SPEG: variants seen among roughly 807,000 people sequenced by gnomAD.
The protein encoded by SPEG is striated muscle enriched protein kinase.
Under a neutral mutation model 300.4 loss-of-function variants are expected in SPEG, and 114 were observed. The ratio of observed to expected loss-of-function variants is 0.38; its 90% CI spans 0.33 to 0.44. SPEG has a LOEUF of 0.44. SPEG is among the 20% of genes least tolerant of loss of function. SPEG has a pLI of 1.00. For synonymous variants in SPEG, 1,964 were observed against 2,018.9 expected (o/e 0.97, Z 0.73); for missense variants, 4,201 against 4,586.2 (o/e 0.92, Z 2.43).
chr2:219,481,916 G>A lies in SPEG; in HGVS notation c.5565+236G>A, dbSNP rs185020447. Among the ~76,000 whole-genome samples the A allele has an allele frequency of 1.7e-3, 262 of 152,228 alleles. 7 individuals carry two copies. Among genetic ancestry groups the A allele is most frequent in the Admixed American group, 0.017 (262 of 15,294 alleles). On this transcript the variant is annotated intron_variant, in intron 28 of 40. Coordinates refer to ENST00000312358, the MANE Select transcript of SPEG (RefSeq NM_005876.5). This position sits in a 1 kb window ranked among gnomAD's most constrained non-coding sequence, Gnocchi z 5.4. ...TGGGGGTATACATACTGGACTCCAGGGCATACGTCTGGACCTCTCCATCCT... is the reference window on the plus strand; with the variant it reads ...TGGGGGTATACATACTGGACTCCAGAGCATACGTCTGGACCTCTCCATCCT...
In SPEG at chr2:219,444,124, C is replaced by T. The variant is rs190907553; in HGVS notation, c.389-529C>T. On this transcript the variant is annotated intron_variant, in intron 1 of 40. Transcript: ENST00000312358. The surrounding 1 kb of genome is among the most constrained non-coding windows in gnomAD (Gnocchi z 7.8). ...CCTTTCCCACCCGGCCCCGGCCTCT[C>T]CTCACCCTGCCTCAGCTGCACCCGA... 6,496 of 1,160,256 alleles carry T rather than the reference C, an allele frequency of 5.6e-3. 34 individuals carry two copies. The highest frequency in any genetic ancestry group is 8.7e-3 in the Middle Eastern group (38 of 4,386). 71.9% of individuals were successfully genotyped at this position (1,160,256 alleles called of 1,614,324 possible).
At position 219,473,649 on chromosome 2, in the gene SPEG, G is replaced by C. The variant is rs1692085248; in HGVS notation, c.4271+22G>C. 1 of 1,614,114 alleles carries C rather than the reference G, an allele frequency of 6.2e-7. No individual in the cohort carries two copies. The highest frequency in any genetic ancestry group is 1.3e-5 in the African/African-American group (1 of 75,064). On this transcript the variant is annotated intron_variant, in intron 17 of 40. Transcript: ENST00000312358. This position sits in a 1 kb window ranked among gnomAD's most constrained non-coding sequence, Gnocchi z 4.6. Reference sequence around the variant, plus strand: ...GGAGGTGGGCCCCTTTCCCACATGTGGCAGCCCAGGTCTGGCCCAGCCTGG... The same window carrying C: ...GGAGGTGGGCCCCTTTCCCACATGTCGCAGCCCAGGTCTGGCCCAGCCTGG...
In SPEG at chr2:219,485,798, G is replaced by A. The variant is rs555025063; in HGVS notation, c.7741+321G>A. 2.0e-5 allele frequency among the ~76,000 whole-genome samples: 3 copies of A among 152,336 alleles called. No homozygotes were observed. In the South Asian group the frequency reaches 6.2e-4, roughly 32 times the overall value. On this transcript the variant is annotated intron_variant, in intron 31 of 40. Coordinates refer to ENST00000312358, the MANE Select transcript of SPEG (RefSeq NM_005876.5). ...CCAAGTCACAGGGCTAGTAAGTGGA[G>A]CAGCTGAAGTTGGACTGTGTGACCT... is the stretch of plus-strand genomic sequence containing the variant.
intron 15 of SPEG, 139 bp downstream of exon 15, chr2:219,472,470 G>A: frequency 1.4e-6 from 1 of 733,118 alleles, no homozygotes; most frequent in Non-Finnish European, 2.3e-6. Flanking sequence ...GACCAGCTTT[G>A]CCCGTCTTCT....
chr2:219,452,899 C>T (rs1011610042), intron 6 of SPEG, among the ~76,000 whole-genome samples: 1 of 152,208 alleles, frequency 6.6e-6, no homozygotes, highest in Non-Finnish European at 1.5e-5. Context: ...TGATCATAGT[C>T]TCGTGCTCCA....
Position 219,483,758 on chromosome 2 carries a change from G to C in SPEG, c.6295G>C (p.Ala2099Pro), listed in dbSNP as rs1301211021. 2 of 1,545,412 alleles carry C rather than the reference G, an allele frequency of 1.3e-6. No homozygotes were observed. Among genetic ancestry groups the C allele is most frequent in the Non-Finnish European group, 1.7e-6 (2 of 1,152,666 alleles). ...CCTGCTGGAGAGCCTGGGGGGCCGT[G>C]CTCGGGACCCCCGGATGGCACGAGC... ...GPLLESLGGRARDPRMARAAS... is the reference protein window; with the variant it reads ...GPLLESLGGRPRDPRMARAAS... Residue 2099 changes from alanine to proline, a missense_variant, in exon 30 of 41, where the codon GCT becomes CCT. Ala to Pro is a conservative substitution (Grantham distance 27). Coordinates refer to ENST00000312358, the MANE Select transcript of SPEG (RefSeq NM_005876.5).
intron 6 of SPEG, among the ~76,000 whole-genome samples, chr2:219,456,543 G>T (rs944791032): frequency 2.6e-5 from 4 of 152,240 alleles, no homozygotes; most frequent in Non-Finnish European, 2.9e-5. Flanking sequence ...CCTGTCAGAA[G>T]AATTGAGAGC....
In SPEG at chr2:219,492,910, G is replaced by A; in HGVS notation, c.*124G>A. On this transcript the variant is annotated 3_prime_UTR_variant, in exon 41 of 41. Transcript: ENST00000312358. ...TCGGTTACCACCAGCAGCAACATCT[G>A]GCTGGGCTCTTACCTCATAGACCTT... 1 of 1,016,880 alleles carries A rather than the reference G, an allele frequency of 9.8e-7. No individual in the cohort carries two copies. The highest frequency in any genetic ancestry group is 1.5e-6 in the Non-Finnish European group (1 of 674,386). The allele number at this position is 1,016,880 out of a possible 1,614,324, so 63.0% of individuals were successfully genotyped here.
chr2:219,467,434 G>T lies in SPEG; in HGVS notation c.3142G>T (p.Asp1048Tyr). 6.3e-7 allele frequency: 1 copy of T among 1,596,670 alleles called. No homozygotes were observed. Among genetic ancestry groups the T allele is most frequent in the South Asian group, 1.1e-5 (1 of 90,502 alleles). The change falls in exon 10 of 41, where the codon GAT (aspartate) becomes TAT (tyrosine). Residue 1048 changes from aspartate to tyrosine, a missense_variant and splice_region_variant. Coordinates refer to ENST00000312358, the MANE Select transcript of SPEG (RefSeq NM_005876.5). ...CACCTGCAAGCTCAGCACGGCCAAA[G>T]GTAACTCCCCACTCAGGCATTGGGC... is the stretch of plus-strand genomic sequence containing the variant. ...VYTCKLSTAK[D>Y]ELTCSARLTV...
At chr2:219,476,558 A>C (rs1023684042) in intron 18 of SPEG, among the ~76,000 whole-genome samples, 1 of 152,228 alleles carries the variant, frequency 6.6e-6, no homozygotes, top group Non-Finnish European at 1.5e-5. Flanking sequence ...TTTGTGTGTG[A>C]AAATCTCCTA....
chr2:219,469,802 C>T lies in SPEG; in HGVS notation c.3715+423C>T, dbSNP rs1470593937. Among the ~76,000 whole-genome samples the T allele has an allele frequency of 5.9e-5, 9 of 152,104 alleles. No individual in the cohort carries two copies. In the East Asian group the frequency reaches 1.5e-3, roughly 26 times the overall value. ...AGTCTCAGTATTCTTGTTTTAGTAG[C>T]CATTATCATCAGCGGTGGTACTTCC... On this transcript the variant is annotated intron_variant, in intron 13 of 40. Coordinates refer to ENST00000312358, the MANE Select transcript of SPEG (RefSeq NM_005876.5).
intron 9 of SPEG, chr2:219,466,301 A>C (rs1691350342): frequency 7.0e-7 from 1 of 1,418,902 alleles, no homozygotes; most frequent in African/African-American, 1.4e-5. Flanking sequence ...GGAGGCCCAC[A>C]GATGGACTGA....
intron 4 of SPEG, among the ~76,000 whole-genome samples, chr2:219,450,001 AG>A (rs879380564): frequency 2.0e-5 from 3 of 152,210 alleles, no homozygotes; most frequent in Admixed American, 2.0e-4. Context: ...AGGCAGAGGA[AG>A]GCGTCCTTGA....
chr2:219,443,199 C>T lies in SPEG; in HGVS notation c.389-1454C>T. ...GCTCTAGCCCATGCCTACTCCTCCT[C>T]TTGGTCCCTGTCCCTCTGTGAGGCA... On this transcript the variant is annotated intron_variant, in intron 1 of 40. Transcript: ENST00000312358. The surrounding 1 kb of genome is among the most constrained non-coding windows in gnomAD (Gnocchi z 4.6). 1 of 1,578,206 alleles carries T rather than the reference C, an allele frequency of 6.3e-7. No individual in the cohort carries two copies. Among genetic ancestry groups the T allele is most frequent in the Non-Finnish European group, 8.7e-7 (1 of 1,148,244 alleles).
chr2:219,484,945 C>A lies in SPEG; in HGVS notation c.7482C>A (p.Ala2494=). Reference sequence around the variant, plus strand: ...CGCTGTTCGGACGGCTTCGCAGGGCCACGTCCGAGGGCGAGAGTCTGCGGC... The same window carrying A: ...CGCTGTTCGGACGGCTTCGCAGGGCAACGTCCGAGGGCGAGAGTCTGCGGC... The part of the protein sequence containing the change: ...STPLFGRLRR[A]TSEGESLRRL... Residue 2494 remains alanine (A), a synonymous_variant, in exon 30 of 41, where the codon GCC becomes GCA. Transcript: ENST00000312358. 1 of 1,529,720 alleles carries A rather than the reference C, an allele frequency of 6.5e-7. No individual in the cohort carries two copies. The highest frequency in any genetic ancestry group is 8.7e-7 in the Non-Finnish European group (1 of 1,144,466). The allele number at this position is 1,529,720 out of a possible 1,614,324, so 94.8% of individuals were successfully genotyped here. A position where few individuals can be genotyped will look rare whatever the true frequency, so the allele number is the denominator to read the frequency against.
intron 31 of SPEG, among the ~76,000 whole-genome samples, chr2:219,486,424 T>C (rs1449526772): frequency 6.6e-6 from 1 of 152,110 alleles, no homozygotes; most frequent in Non-Finnish European, 1.5e-5. Context: ...GAGTCTTGCC[T>C]CAGCTGGGCT....
chr2:219,455,873 G>A (rs1448396904), intron 6 of SPEG, among the ~76,000 whole-genome samples: 1 of 152,118 alleles, frequency 6.6e-6, no homozygotes, highest in African/African-American at 2.4e-5. Context: ...GTGCTGGGCA[G>A]GAGGAAGTGG....
chr2:219,445,235 T>A lies in SPEG; in HGVS notation c.815+74T>A. The A allele has an allele frequency of 1.5e-6, 2 of 1,372,750 alleles. No homozygotes were observed. The highest frequency in any genetic ancestry group is 2.5e-5 in the South Asian group (2 of 80,286). 85.0% of individuals were successfully genotyped at this position (1,372,750 alleles called of 1,614,324 possible). On this transcript the variant is annotated intron_variant, in intron 3 of 40. Transcript: ENST00000312358. This position sits in a 1 kb window ranked among gnomAD's most constrained non-coding sequence, Gnocchi z 6.1. ...GTCCTGCGCTGCCCTCACTGCTCAG[T>A]CAGCCTCCACCCATCACCCTGCCCC...
Position 219,480,700 on chromosome 2 carries a change from A to G in SPEG, c.5369+3A>G, listed in dbSNP as rs748060082. On this transcript the variant is annotated splice_donor_region_variant and intron_variant, in intron 26 of 40. Transcript: ENST00000312358. This position sits in a 1 kb window ranked among gnomAD's most constrained non-coding sequence, Gnocchi z 5.3. ...GTGGGTGTTGTTGCCTTCCTCTGGT[A>G]AGGACCCCTCTGCAATGTCCCAGCA... 1 of 1,613,686 alleles carries G rather than the reference A, an allele frequency of 6.2e-7. No individual in the cohort carries two copies. The highest frequency in any genetic ancestry group is 8.5e-7 in the Non-Finnish European group (1 of 1,179,716).
Sources: gnomAD v4.1 joint callset for allele counts (sites outside exome capture counted in the v4.1 genomes callset) on GRCh38, gnomAD v4.1.1 for gene constraint, Gnocchi (gnomAD v3.1) non-coding constraint, MANE v1.5 for transcripts, NCBI Gene and HGNC (gene_info 2026-07-23, HGNC 2026-07-21) for gene names.